Variants in AGBL4 observed in about 807,000 individuals in gnomAD.
AGBL4 encodes AGBL carboxypeptidase 4.
In AGBL4, 58 loss-of-function variants were observed where a neutral mutation model predicts 66.4. That is an observed-to-expected ratio of 0.87 (90% CI 0.71 to 1.09). The LOEUF is 1.09. Among genes scored for constraint, AGBL4 ranks in the 50% least tolerant of loss-of-function variants. The probability of loss-of-function intolerance (pLI) is 0.00; values close to 1 mark genes in which losing one functional copy is unlikely to be tolerated. For synonymous variants in AGBL4, 234 were observed against 222.9 expected, an observed-to-expected ratio of 1.05 and a Z score of -0.44; for missense variants, 579 against 631.0, an observed-to-expected ratio of 0.92 and a Z score of 0.88.
intron 3 of AGBL4, among the ~76,000 whole-genome samples, chr1:49,303,121 C>T (rs1477293223): frequency 6.6e-6 from 1 of 152,098 alleles, no homozygotes; most frequent in Admixed American, 6.6e-5. Context: ...AATGAACACA[C>T]TTGTGCATGT....
At chr1:49,131,331 T>C (rs568996590) in intron 4 of AGBL4, among the ~76,000 whole-genome samples, 3 of 152,212 alleles carry the variant, frequency 2.0e-5, no homozygotes, top group African/African-American at 7.2e-5. Context: ...CATGGGTCTA[T>C]ACATTTGTCA....
chr1:49,425,026 C>T (rs985028885), intron 3 of AGBL4, among the ~76,000 whole-genome samples: 4 of 152,106 alleles, frequency 2.6e-5, no homozygotes, highest in Non-Finnish European at 5.9e-5. Flanking sequence ...GTTTCAGGAG[C>T]CCCCTACTTG....
At chr1:49,195,945 A>G (rs1647231923) in intron 4 of AGBL4, among the ~76,000 whole-genome samples, 4 of 151,980 alleles carry the variant, frequency 2.6e-5, no homozygotes, top group Admixed American at 2.0e-4. Context: ...TTCCCACAAG[A>G]TCTGATGGTT....
intron 3 of AGBL4, among the ~76,000 whole-genome samples, chr1:49,605,730 C>A (rs1220938239): frequency 6.6e-6 from 1 of 152,018 alleles, no homozygotes; most frequent in Admixed American, 6.6e-5. Context: ...CTACCAACAT[C>A]ATGGCCTCTT....
At chr1:49,985,031 C>A (rs1659382701) in intron 1 of AGBL4, among the ~76,000 whole-genome samples, 4 of 152,116 alleles carry the variant, frequency 2.6e-5, no homozygotes, top group Admixed American at 2.6e-4. Flanking sequence ...ATCTTTCAAC[C>A]AGCACTTCTT....
intron 1 of AGBL4, among the ~76,000 whole-genome samples, chr1:49,887,069 T>C (rs1477728668): frequency 6.6e-6 from 1 of 151,708 alleles, no homozygotes. Context: ...AGACTTAGGA[T>C]ATCCTTCAAG....
At chr1:49,346,023 C>T (rs1015686712) in intron 3 of AGBL4, among the ~76,000 whole-genome samples, 14 of 152,042 alleles carry the variant, frequency 9.2e-5, no homozygotes, top group South Asian at 2.1e-4. Flanking sequence ...GATGGAACTT[C>T]GTTCCATCAA....
At chr1:49,840,321 T>C (rs542689283) in intron 2 of AGBL4, among the ~76,000 whole-genome samples, 2 of 152,182 alleles carry the variant, frequency 1.3e-5, no homozygotes, top group Non-Finnish European at 2.9e-5. Context: ...TAATGTTGTA[T>C]TTGTCATTCC....
chr1:48,692,247 G>C (rs976784323), intron 6 of AGBL4, among the ~76,000 whole-genome samples: 2 of 152,144 alleles, frequency 1.3e-5, no homozygotes, highest in African/African-American at 4.8e-5. Flanking sequence ...GCATAGAGTG[G>C]TATTTTCAAA....
At chr1:49,480,500 G>A (rs769187427) in intron 3 of AGBL4, among the ~76,000 whole-genome samples, 2 of 145,834 alleles carry the variant, frequency 1.4e-5, no homozygotes, top group Non-Finnish European at 3.0e-5. Context: ...TTTTTCTCTT[G>A]TAAATTTGTT....
chr1:48,700,120 C>T (rs1646778647), intron 6 of AGBL4, among the ~76,000 whole-genome samples: 1 of 152,158 alleles, frequency 6.6e-6, no homozygotes, highest in Non-Finnish European at 1.5e-5. Context: ...TTTCCCTTCC[C>T]CTTGCCTCCA....
intron 2 of AGBL4, among the ~76,000 whole-genome samples, chr1:49,764,334 G>T (rs1437696289): frequency 6.6e-6 from 1 of 152,140 alleles, no homozygotes; most frequent in Non-Finnish European, 1.5e-5. Flanking sequence ...AAGGTTCACA[G>T]CACAGCCACA....
chr1:49,889,973 T>C (rs1446839498), intron 1 of AGBL4, among the ~76,000 whole-genome samples: 1 of 152,140 alleles, frequency 6.6e-6, no homozygotes, highest in Non-Finnish European at 1.5e-5. Flanking sequence ...TCAATAAGTT[T>C]AAAGAGGTGA....
chr1:48,804,319 C>T (rs1333834837), intron 6 of AGBL4, among the ~76,000 whole-genome samples: 1 of 152,194 alleles, frequency 6.6e-6, no homozygotes, highest in Non-Finnish European at 1.5e-5. Context: ...AAAGCATGAG[C>T]TCCCTAGCTT....
intron 3 of AGBL4, among the ~76,000 whole-genome samples, chr1:49,426,051 T>C (rs1217061270): frequency 1.3e-5 from 2 of 152,208 alleles, no homozygotes; most frequent in African/African-American, 2.4e-5. Flanking sequence ...ATATTTTTCA[T>C]ATGAGAGTGT....
intron 11 of AGBL4, among the ~76,000 whole-genome samples, chr1:48,562,808 C>T (rs1644415341): frequency 6.6e-6 from 1 of 152,190 alleles, no homozygotes; most frequent in Non-Finnish European, 1.5e-5. Context: ...CTGCAAGAGC[C>T]ATGCTCTTGT....
chr1:49,264,093 T>A (rs1428603282), intron 3 of AGBL4, among the ~76,000 whole-genome samples: 1 of 152,116 alleles, frequency 6.6e-6, no homozygotes, highest in African/African-American at 2.4e-5. Context: ...AATACAAAAT[T>A]ATACATGGTA....
intron 3 of AGBL4, among the ~76,000 whole-genome samples, chr1:49,554,241 T>G (rs139310815): frequency 6.6e-6 from 1 of 152,106 alleles, no homozygotes; most frequent in African/African-American, 2.4e-5. Context: ...ATCACAATAC[T>G]CCAACAGTGC....
chr1:49,557,104 C>A (rs1643921774), intron 3 of AGBL4, among the ~76,000 whole-genome samples: 1 of 152,090 alleles, frequency 6.6e-6, no homozygotes, highest in Non-Finnish European at 1.5e-5. Flanking sequence ...CACACCTCCC[C>A]ACAAGCAGAG....
Sources: gnomAD v4.1 joint callset for allele counts (sites outside exome capture counted in the v4.1 genomes callset) on GRCh38, gnomAD v4.1.1 for gene constraint, MANE v1.5 for transcripts, NCBI Gene and HGNC (gene_info 2026-07-23, HGNC 2026-07-21) for gene names.